RNF141: variants seen among roughly 807,000 people sequenced by gnomAD.
The protein encoded by RNF141 is C3HC4-like zinc finger protein.
A neutral mutation model predicts 27.4 loss-of-function variants in RNF141; 18 were observed. The ratio of observed to expected loss-of-function variants is 0.66; its 90% confidence interval spans 0.45 to 0.97. The LOEUF is 0.97. Among genes scored for constraint, RNF141 ranks in the 50% least tolerant of loss-of-function variants. The probability of loss-of-function intolerance (pLI) is 0.00; values close to 1 mark genes in which losing one functional copy is unlikely to be tolerated. For synonymous variants in RNF141, 97 were observed against 96.6 expected, an observed-to-expected ratio of 1.00 and a Z score of -0.02; for missense variants, 230 against 279.4, an observed-to-expected ratio of 0.82 and a Z score of 1.26.
Position 10,514,682 on chromosome 11 carries a change from T to G in RNF141, c.*234A>C, listed in dbSNP as rs1849828763. On this transcript the variant is annotated 3_prime_UTR_variant, in exon 6 of 6. Coordinates refer to ENST00000265981, the MANE Select transcript of RNF141 (RefSeq NM_016422.4). The stretch of plus-strand genomic sequence containing the variant: ...GCTATTAGTTGTAATAATACAAATT[T>G]GAACAGATAAATAATAGGAAAATAT... 5.1e-6 allele frequency: 2 copies of G among 394,962 alleles called. No homozygotes were observed. 24.5% of individuals were successfully genotyped at this position (394,962 alleles called of 1,614,324 possible). A position where few individuals can be genotyped will look rare whatever the true frequency, so the allele number is the denominator to read the frequency against.
chr11:10,524,834 GC>G (rs1849917982), intron 4 of RNF141, among the ~76,000 whole-genome samples: 1 of 152,122 alleles, frequency 6.6e-6, no homozygotes, highest in African/African-American at 2.4e-5. Context: ...GGATGATTTT[GC>G]CAAATTCTTT....
At chr11:10,515,101 CTTCT>C (rs768359176) in intron 5 of RNF141, 35 bp from the exon 6 acceptor site, 150 of 1,571,404 alleles carry the variant, frequency 9.5e-5, no homozygotes, top group Non-Finnish European at 1.3e-4. Flanking sequence ...AGTTTGCTTT[CTTCT>C]TTTTTAAAAA....
At position 10,514,807 on chromosome 11, in the gene RNF141, TG is replaced by T; in HGVS notation, c.*108del. 1 of 1,010,446 alleles carries T rather than the reference TG, an allele frequency of 9.9e-7. No individual in the cohort carries two copies. The highest frequency in any genetic ancestry group is 1.4e-6 in the Non-Finnish European group (1 of 719,844). The allele number at this position is 1,010,446 out of a possible 1,614,324, so 62.6% of individuals were successfully genotyped here. A position where few individuals can be genotyped will look rare whatever the true frequency, so the allele number is the denominator to read the frequency against. ...GATCAGAATAGCAAAAATAAAAGAG[TG>T]GGGAAAATGGATTTTCCTGTGTCTG... On this transcript the variant is annotated 3_prime_UTR_variant, in exon 6 of 6. Transcript: ENST00000265981.
rs1397329338 is a variant in RNF141 at position 10,539,690 on chromosome 11, A to T, written c.-48+1432T>A. Among the ~76,000 whole-genome samples the T allele has an allele frequency of 6.4e-5, 6 of 93,426 alleles. 1 individual carries two copies. The South Asian group carries it at 1.1e-3, about 17-fold the overall frequency. The allele number at this position is 93,426 out of a possible 152,430, so 61.3% of individuals were successfully genotyped here. A position where few individuals can be genotyped will look rare whatever the true frequency, so the allele number is the denominator to read the frequency against. ...AGATCTTGATCAGAAAAAGATACAT[A>T]CATATATATTAGAGAGAGAAGGAGA... On this transcript the variant is annotated intron_variant, in intron 1 of 5. Transcript: ENST00000265981.
intron 3 of RNF141, among the ~76,000 whole-genome samples, chr11:10,527,400 C>T (rs1161491067): frequency 2.0e-5 from 3 of 150,642 alleles, no homozygotes; most frequent in Admixed American, 1.3e-4. Context: ...AGAAATGAGT[C>T]ATATAGATGT....
intron 4 of RNF141, among the ~76,000 whole-genome samples, chr11:10,522,010 G>T (rs559204196): frequency 6.6e-6 from 1 of 152,212 alleles, no homozygotes; most frequent in Non-Finnish European, 1.5e-5. Context: ...CAGTATGAGG[G>T]ACAGTCTAGA....
In RNF141 at chr11:10,520,896, T is replaced by C. The variant is rs545305192; in HGVS notation, c.435-1755A>G. Among the ~76,000 whole-genome samples, 6 of 152,350 alleles carry C rather than the reference T, an allele frequency of 3.9e-5. No individual in the cohort carries two copies. In the South Asian group the frequency reaches 6.2e-4, roughly 16 times the overall value. On this transcript the variant is annotated intron_variant, in intron 4 of 5. Transcript: ENST00000265981. ...AACATTGTTAGGTGATACATGACCATATAATTTATTCACTATGTGTAACAC... is the reference window on the plus strand; with the variant it reads ...AACATTGTTAGGTGATACATGACCACATAATTTATTCACTATGTGTAACAC...
chr11:10,530,288 G>A (rs773452894), intron 3 of RNF141, among the ~76,000 whole-genome samples: 3 of 152,066 alleles, frequency 2.0e-5, no homozygotes, highest in Non-Finnish European at 4.4e-5. Context: ...TAAAAGAAAT[G>A]ATCTCAAGAT....
chr11:10,525,160 T>C, intron 4 of RNF141, 32 bp downstream of exon 4: 1 of 1,423,438 alleles, frequency 7.0e-7, no homozygotes, highest in Non-Finnish European at 9.4e-7. Context: ...TATTAGAAAA[T>C]AAGTGAAATA....
Position 10,514,962 on chromosome 11 carries a change from T to C in RNF141, c.647A>G (p.Tyr216Cys). ...TGCCTCATCAGCCATGTTAAGAATA[T>C]AGTTAGCCATATCATCTTCAGTGGG... is the stretch of plus-strand genomic sequence containing the variant. ...DAPTEDDMAN[Y>C]ILNMADEAGQ... Residue 216 changes from tyrosine (Y) to cysteine (C), a missense_variant, in exon 6 of 6, where the codon TAT (tyrosine) becomes TGT (cysteine). Coordinates refer to ENST00000265981, the MANE Select transcript of RNF141 (RefSeq NM_016422.4). 1 of 1,613,956 alleles carries C rather than the reference T, an allele frequency of 6.2e-7. No homozygotes were observed. The highest frequency in any genetic ancestry group is 8.5e-7 in the Non-Finnish European group (1 of 1,179,948).
chr11:10,522,390 A>G (rs576499147), intron 4 of RNF141, among the ~76,000 whole-genome samples: 1 of 152,354 alleles, frequency 6.6e-6, no homozygotes, highest in African/African-American at 2.4e-5. Context: ...AGTTCTCTTA[A>G]CTTTTTGCTA....
chr11:10,532,035 AC>A (rs1849990818), intron 2 of RNF141: 1 of 451,806 alleles, frequency 2.2e-6, no homozygotes. Flanking sequence ...TAAAAGGAAG[AC>A]CTCTGTATCA....
chr11:10,539,077 A>AT (rs1170569413), intron 1 of RNF141, among the ~76,000 whole-genome samples: 1 of 152,208 alleles, frequency 6.6e-6, no homozygotes, highest in Non-Finnish European at 1.5e-5. Context: ...AAGAACTGTT[A>AT]TTTTGAAATG....
At chr11:10,533,890 G>T in intron 2 of RNF141, 126 bp downstream of exon 2, 1 of 810,710 alleles carries the variant, frequency 1.2e-6, no homozygotes, top group Non-Finnish European at 1.9e-6. Flanking sequence ...ATAAGTATTT[G>T]TTAATGCTAA....
rs1460483573 is a variant in RNF141, at chr11:10,512,960, G to A, written c.*1956C>T. On this transcript the variant is annotated 3_prime_UTR_variant, in exon 6 of 6. Transcript: ENST00000265981. ...GTATAGGGTATGTGTGTATGCACAC[G>A]TGTTTAAAGGTTCTGTAAGATTTTC... The A allele has an allele frequency of 1.3e-5, 2 of 152,288 alleles. No individual in the cohort carries two copies. The highest frequency in any genetic ancestry group is 1.3e-4 in the Admixed American group (2 of 15,308). 9.4% of individuals were successfully genotyped at this position (152,288 alleles called of 1,614,324 possible). A position where few individuals can be genotyped will look rare whatever the true frequency, so the allele number is the denominator to read the frequency against.
At chr11:10,516,763 G>A (rs890756373) in intron 5 of RNF141, 1 of 152,188 alleles carries the variant, frequency 6.6e-6, no homozygotes, top group Non-Finnish European at 1.5e-5. Context: ...TATCAGTAGA[G>A]TTCTCTAAAG....
At chr11:10,518,015 CAG>C (rs756062866) in intron 5 of RNF141, among the ~76,000 whole-genome samples, 1 of 151,968 alleles carries the variant, frequency 6.6e-6, no homozygotes, top group Non-Finnish European at 1.5e-5. Flanking sequence ...AAATTGGTGA[CAG>C]AAATTAAAGA....
intron 4 of RNF141, among the ~76,000 whole-genome samples, chr11:10,524,313 G>A (rs890799860): frequency 2.6e-5 from 4 of 152,180 alleles, no homozygotes; most frequent in Non-Finnish European, 5.9e-5. Flanking sequence ...TACTTGGGAG[G>A]CTGAGGCAGG....
intron 4 of RNF141, among the ~76,000 whole-genome samples, chr11:10,524,369 C>A (rs1041550352): frequency 6.6e-6 from 1 of 151,794 alleles, no homozygotes. Context: ...GAGCCGAGAT[C>A]GCGCCTGGGC....
Sources: gnomAD v4.1 joint callset for allele counts (sites outside exome capture counted in the v4.1 genomes callset) on GRCh38, gnomAD v4.1.1 for gene constraint, MANE v1.5 for transcripts, NCBI Gene and HGNC (gene_info 2026-07-23, HGNC 2026-07-21) for gene names.